SETX: variants seen among roughly 807,000 people sequenced by gnomAD.
SETX encodes helicase senataxin.
A neutral mutation model predicts 227.2 loss-of-function variants in SETX; 90 were observed. The observed-to-expected ratio is 0.40, with a 90% CI of 0.33 to 0.47. The LOEUF (loss-of-function observed/expected upper bound fraction) is 0.47, where lower values mean the gene tolerates loss of function less well. SETX is among the 20% of genes least tolerant of loss of function. The pLI, the probability that SETX is intolerant of heterozygous loss-of-function variation, is 0.91. For missense variants in SETX, 3,052 were observed against 3,181.5 expected, an observed-to-expected ratio of 0.96 and a Z score of 0.98; for synonymous variants, 1,210 against 1,113.2, an observed-to-expected ratio of 1.09 and a Z score of -1.73.
chr9:132,346,355 C>A lies in SETX; in HGVS notation c.294G>T (p.Leu98=). ...CAAAGTCTTGCCCAGTGATGTCAAACAGTGGCATCTCTCCATTATTGTCTA... is the reference window on the plus strand; with the variant it reads ...CAAAGTCTTGCCCAGTGATGTCAAAAAGTGGCATCTCTCCATTATTGTCTA... ...YIVDNNGEMP[L]FDITGQDFEN... Residue 98 remains leucine (L), a synonymous_variant, in exon 4 of 26, where the codon CTG becomes CTT. Transcript: ENST00000224140. The A allele has an allele frequency of 6.2e-7, 1 of 1,613,754 alleles. No individual in the cohort carries two copies. The highest frequency in any genetic ancestry group is 8.5e-7 in the Non-Finnish European group (1 of 1,179,710).
intron 22 of SETX, among the ~76,000 whole-genome samples, chr9:132,276,786 C>T (rs1167282721): frequency 3.9e-5 from 6 of 152,214 alleles, no homozygotes; most frequent in African/African-American, 1.2e-4. Context: ...CTGCTGAAGG[C>T]CTGTCTTCCC....
At chr9:132,289,694 A>C (rs1473110897) in intron 15 of SETX, among the ~76,000 whole-genome samples, 1 of 152,184 alleles carries the variant, frequency 6.6e-6, no homozygotes, top group Non-Finnish European at 1.5e-5. Context: ...AAGCTTTTAA[A>C]ACTATGTTCC....
intron 10 of SETX, among the ~76,000 whole-genome samples, chr9:132,325,095 G>C (rs372562889): frequency 6.6e-6 from 1 of 152,192 alleles, no homozygotes; most frequent in Non-Finnish European, 1.5e-5. Context: ...AGTGGCTCAC[G>C]CCTGTAATCC....
rs370546419 is a variant in SETX at position 132,327,000 on chromosome 9, T to C, written c.4598A>G (p.Glu1533Gly). ...IHGKDTVEVE[E>G]DSVSRPQLES... The stretch of plus-strand genomic sequence containing the variant: ...CAACTGAGGCCGACTTACAGAATCT[T>C]CTTCAACCTCAACTGTATCTTTTCC... Residue 1533 changes from glutamate to glycine, a missense_variant, in exon 10 of 26, where the codon GAA (glutamate) becomes GGA (glycine). By Grantham distance (98) the Glu-to-Gly change is moderately conservative. Coordinates refer to ENST00000224140, the MANE Select transcript of SETX (RefSeq NM_015046.7). 1.2e-6 allele frequency: 2 copies of C among 1,614,144 alleles called. No homozygotes were observed. Among genetic ancestry groups the C allele is most frequent in the Non-Finnish European group, 1.7e-6 (2 of 1,180,054 alleles).
intron 11 of SETX, among the ~76,000 whole-genome samples, chr9:132,306,811 G>A (rs1003102050): frequency 1.3e-5 from 2 of 151,896 alleles, no homozygotes; most frequent in Non-Finnish European, 2.9e-5. Context: ...CAAACTCCTG[G>A]GCTCAAGTGA....
chr9:132,279,454 C>A (rs1392024534), intron 20 of SETX, among the ~76,000 whole-genome samples: 5 of 151,978 alleles, frequency 3.3e-5, no homozygotes, highest in Admixed American at 2.0e-4. Context: ...TCTTAAATAA[C>A]CCTGAAGTAA....
chr9:132,321,157 C>T (rs749951323), intron 10 of SETX, among the ~76,000 whole-genome samples: 1 of 152,230 alleles, frequency 6.6e-6, no homozygotes, highest in Non-Finnish European at 1.5e-5. Context: ...GCCACGCCTA[C>T]ATTTCCCAGG....
chr9:132,338,852 G>A (rs566012129), intron 5 of SETX, among the ~76,000 whole-genome samples: 2 of 152,170 alleles, frequency 1.3e-5, no homozygotes, highest in Admixed American at 1.3e-4. Flanking sequence ...CAACCTCCTG[G>A]GCTCAAGTGA....
intron 10 of SETX, among the ~76,000 whole-genome samples, chr9:132,325,123 A>ATC (rs1564534473): frequency 2.0e-5 from 3 of 151,878 alleles, no homozygotes; most frequent in Non-Finnish European, 4.4e-5. Context: ...TTGGGAGGCC[A>ATC]AGGCGGGCAG....
chr9:132,290,138 G>A (rs992240927), intron 15 of SETX, among the ~76,000 whole-genome samples: 4 of 152,186 alleles, frequency 2.6e-5, no homozygotes, highest in Admixed American at 2.6e-4. Flanking sequence ...GAACCCAGGA[G>A]GTGGAAGTTG....
At chr9:132,321,450 A>G (rs1453051803) in intron 10 of SETX, among the ~76,000 whole-genome samples, 3 of 152,054 alleles carry the variant, frequency 2.0e-5, no homozygotes, top group Non-Finnish European at 4.4e-5. Flanking sequence ...ATGTCAGGAG[A>G]TCGAGACCAT....
At chr9:132,273,934 A>G (rs1261360512) in intron 23 of SETX, among the ~76,000 whole-genome samples, 1 of 151,596 alleles carries the variant, frequency 6.6e-6, no homozygotes, top group Non-Finnish European at 1.5e-5. Flanking sequence ...GTTTTTTGTA[A>G]ATGCCTTTTA....
intron 6 of SETX, among the ~76,000 whole-genome samples, chr9:132,335,366 G>C (rs578180): frequency 7.5e-6 from 1 of 133,220 alleles, no homozygotes; most frequent in Non-Finnish European, 1.5e-5. Context: ...ACTCCAGCCT[G>C]GGCGACAGAG....
At position 132,288,536 on chromosome 9, in the gene SETX, C is replaced by T. The variant is rs1844074375; in HGVS notation, c.6208+14G>A. 6.3e-6 allele frequency: 10 copies of T among 1,584,330 alleles called. No homozygotes were observed. Among genetic ancestry groups the T allele is most frequent in the South Asian group, 1.1e-5 (1 of 90,430 alleles). On this transcript the variant is annotated intron_variant, in intron 16 of 25. Transcript: ENST00000224140. ...ACAGAGAAAACACTAGTATATACCA[C>T]ATTCAGTACTTACTCATTCTGTGGT... is the stretch of plus-strand genomic sequence containing the variant.
intron 15 of SETX, among the ~76,000 whole-genome samples, chr9:132,294,923 TTC>T (rs1163669833): frequency 1.3e-5 from 2 of 152,334 alleles, no homozygotes; most frequent in East Asian, 3.9e-4. Context: ...AGAAGTAAAC[TTC>T]TGTTATATTT....
intron 18 of SETX, among the ~76,000 whole-genome samples, chr9:132,286,116 G>C (rs1402756162): frequency 6.6e-6 from 1 of 150,414 alleles, no homozygotes; most frequent in Non-Finnish European, 1.5e-5. Context: ...CCGGGAGGCA[G>C]AGGTTGCAGT....
chr9:132,348,361 T>TAA (rs1848414958), intron 3 of SETX, among the ~76,000 whole-genome samples: 1 of 37,714 alleles, frequency 2.7e-5, no homozygotes, highest in Admixed American at 3.2e-4. Flanking sequence ...AGACTCTGTC[T>TAA]CAAAAAAAAA....
chr9:132,325,484 G>A (rs1360893031), intron 10 of SETX, among the ~76,000 whole-genome samples: 2 of 152,192 alleles, frequency 1.3e-5, no homozygotes, highest in African/African-American at 4.8e-5. Flanking sequence ...TACAGCAGAG[G>A]TCTCTTACTT....
At chr9:132,348,518 T>C (rs12346202) in intron 3 of SETX, among the ~76,000 whole-genome samples, 2,191 of 152,282 alleles carry the variant, frequency 0.014, 55 homozygotes, top group African/African-American at 0.05. Flanking sequence ...TATACCAATG[T>C]GACTAAAAGC....
Sources: allele counts gnomAD v4.1 joint callset (sites outside exome capture counted in the v4.1 genomes callset), GRCh38; gene constraint gnomAD v4.1.1; transcripts MANE v1.5; gene names NCBI Gene and HGNC (gene_info 2026-07-23, HGNC 2026-07-21).